The following CYP2A7 variants were observed in gnomAD, a reference collection of about 807,000 sequenced individuals.
The protein encoded by CYP2A7 is cytochrome P450 family 2 subfamily A member 7.
A neutral mutation model predicts 42.0 loss-of-function variants in CYP2A7; 36 were observed. The observed-to-expected ratio is 0.86, with a 90% CI of 0.66 to 1.13. The LOEUF (loss-of-function observed/expected upper bound fraction) is 1.13, where lower values mean the gene tolerates loss of function less well. Among genes scored for constraint, CYP2A7 ranks in the 50% most tolerant of loss-of-function variants. CYP2A7 has a pLI of 0.00. For missense variants in CYP2A7, 661 were observed against 634.1 expected (o/e 1.04, Z -0.46); for synonymous variants, 260 against 249.5 (o/e 1.04, Z -0.40).
chr19:40,881,402 G>C (rs1242977030), intron 2 of CYP2A7, among the ~76,000 whole-genome samples, 187 bp downstream of exon 2: 2 of 151,586 alleles, frequency 1.3e-5, no homozygotes, highest in Non-Finnish European at 3.0e-5. Flanking sequence ...GAGGAATCAC[G>C]ACAGGGACGC....
rs139310034 is a variant in CYP2A7, at chr19:40,882,106, C to T, written c.105G>A (p.Pro35=). 104 of 1,613,940 alleles carry T rather than the reference C, an allele frequency of 6.4e-5. 1 individual carries two copies. In the African/African-American group the frequency reaches 7.9e-4, roughly 12 times the overall value. Residue 35 remains proline, a synonymous_variant, in exon 1 of 9, where the codon CCG becomes CCA. Coordinates refer to ENST00000301146, the MANE Select transcript of CYP2A7 (RefSeq NM_000764.3). ...CAATGAAGGGCAGTGGGGTGGGTCC[C>T]GGAGGCAGCTTCCCCCTGCTCTTCC... ...QQRKSRGKLP[P]GPTPLPFIGN...
chr19:40,878,658 A>T, intron 5 of CYP2A7, 102 bp downstream of exon 5: 1 of 1,479,488 alleles, frequency 6.8e-7, no homozygotes, highest in Admixed American at 2.1e-5. Context: ...TATTATGATG[A>T]GGGCTAATTT....
At chr19:40,877,408 T>C in intron 6 of CYP2A7, 31 bp from the exon 7 acceptor site, 1 of 1,606,536 alleles carries the variant, frequency 6.2e-7, no homozygotes, top group Non-Finnish European at 8.5e-7. Context: ...TGTTTAGGTA[T>C]CTGGGAGTCT....
chr19:40,876,407 G>T (rs142397690), intron 8 of CYP2A7, 120 bp downstream of exon 8: 1 of 1,541,410 alleles, frequency 6.5e-7, no homozygotes, highest in East Asian at 2.2e-5. Flanking sequence ...CTCAAGGGTA[G>T]ATTCTAACAG....
chr19:40,880,699 G>T, intron 2 of CYP2A7, 71 bp from the exon 3 acceptor site: 1 of 1,527,466 alleles, frequency 6.5e-7, no homozygotes, highest in Non-Finnish European at 8.9e-7. Flanking sequence ...AGTTCCAAGG[G>T]GCTCCCCAAG....
chr19:40,880,775 AAACTCAGTCAGAGAAACACGAGG>A lies in CYP2A7; in HGVS notation c.344-170_344-148del. ...CAGTGCCAGTGCCCAGGACAGGTGC[AAACTCAGTCAGAGAAACACGAGG>A]GAGAGAGAGAGAGAGAGAGAGAGAG... is the stretch of plus-strand genomic sequence containing the variant. On this transcript the variant is annotated intron_variant, in intron 2 of 8. Transcript: ENST00000301146. 6 of 127,876 alleles carry A rather than the reference AAACTCAGTCAGAGAAACACGAGG, an allele frequency of 4.7e-5. 1 individual carries two copies. The highest frequency in any genetic ancestry group is 2.6e-4 in the African/African-American group (3 of 11,334). The allele number at this position is 127,876 out of a possible 1,614,324, so 7.9% of individuals were successfully genotyped here.
chr19:40,875,621 T>G lies in CYP2A7; in HGVS notation c.*72A>C, dbSNP rs1240543307. 1.9e-6 allele frequency: 3 copies of G among 1,606,676 alleles called. No individual in the cohort carries two copies. Among genetic ancestry groups the G allele is most frequent in the Admixed American group, 1.7e-5 (1 of 59,336 alleles). On this transcript the variant is annotated 3_prime_UTR_variant, in exon 9 of 9. Coordinates refer to ENST00000301146, the MANE Select transcript of CYP2A7 (RefSeq NM_000764.3). ...TTCCCCCCATTCTTATACCCGCCTC[T>G]TCCGCGAACCCCGCCCTGACCCCGC...
intron 2 of CYP2A7, among the ~76,000 whole-genome samples, chr19:40,880,848 A>AGG: frequency 9.3e-6 from 1 of 107,558 alleles, no homozygotes. Context: ...AGAGAGAGAG[A>AGG]GAGAGAGAGA....
Position 40,878,810 on chromosome 19 carries a change from G to T in CYP2A7, c.781C>A (p.Pro261Thr). 1.2e-6 allele frequency: 2 copies of T among 1,612,064 alleles called. No homozygotes were observed. Among genetic ancestry groups the T allele is most frequent in the East Asian group, 4.5e-5 (2 of 44,884 alleles). The change falls in exon 5 of 9, where the codon CCC becomes ACC. Residue 261 changes from proline to threonine, a missense_variant. Around this residue, in one of 3 missense-constraint regions of CYP2A7, gnomAD observed 614 missense variants for 552.4 expected, o/e 1.11. Transcript: ENST00000301146. ...TCGATGAAGTCCTGTGGGGAATTGGGATCCAGCGTGCGCTGGTTGTGCTCC... is the reference window on the plus strand; with the variant it reads ...TCGATGAAGTCCTGTGGGGAATTGGTATCCAGCGTGCGCTGGTTGTGCTCC... The part of the protein sequence containing the change: ...KVEHNQRTLD[P>T]NSPQDFIDSF...
chr19:40,881,477 A>G, intron 2 of CYP2A7, 112 bp downstream of exon 2: 1 of 1,553,702 alleles, frequency 6.4e-7, no homozygotes, highest in Non-Finnish European at 8.7e-7. Flanking sequence ...ATAAGACCAG[A>G]CCGGGGGTTC....
Position 40,878,350 on chromosome 19 carries a change from C to T in CYP2A7, c.832-357G>A, listed in dbSNP as rs534934841. 6.5e-4 allele frequency among the ~76,000 whole-genome samples: 99 copies of T among 151,850 alleles called. 1 individual carries two copies. Among genetic ancestry groups the T allele is most frequent in the African/African-American group, 1.6e-3 (66 of 41,494 alleles). ...CCTCCTGAGTAGCTGGAACTGCACA[C>T]GCGCATGACCATGCAGGCTCACTTA... On this transcript the variant is annotated intron_variant, in intron 5 of 8. Transcript: ENST00000301146.
intron 6 of CYP2A7, among the ~76,000 whole-genome samples, chr19:40,877,590 C>G (rs1967566224): frequency 2.6e-5 from 4 of 151,476 alleles, no homozygotes; most frequent in African/African-American, 9.7e-5. Flanking sequence ...CAGGGAGGAA[C>G]TTAGGAGATG....
At position 40,875,622 on chromosome 19, in the gene CYP2A7, T is replaced by G; in HGVS notation, c.*71A>C. ...TCCCCCCATTCTTATACCCGCCTCT[T>G]CCGCGAACCCCGCCCTGACCCCGCC... On this transcript the variant is annotated 3_prime_UTR_variant, in exon 9 of 9. Transcript: ENST00000301146. 6.2e-7 allele frequency: 1 copy of G among 1,607,128 alleles called. No homozygotes were observed. The highest frequency in any genetic ancestry group is 8.5e-7 in the Non-Finnish European group (1 of 1,175,388).
In CYP2A7 at chr19:40,880,565, C is replaced by T. The variant is rs1568527530; in HGVS notation, c.407G>A (p.Arg136Lys). The change falls in exon 3 of 9, where the codon AGG becomes AAG. Residue 136 changes from arginine to lysine, a missense_variant. This residue lies in a region of CYP2A7 where 614 missense variants were observed against 552.4 expected (regional missense o/e 1.11). Transcript: ENST00000301146. ...GCCTCGCTTGCCCACCCCGAAGTCC[C>T]TCAGGGTGGCGATGGCAAAGCGCAG... ...QLLRFAIATL[R>K]DFGVGKRGIE... 1 of 1,610,392 alleles carries T rather than the reference C, an allele frequency of 6.2e-7. No homozygotes were observed. The highest frequency in any genetic ancestry group is 8.5e-7 in the Non-Finnish European group (1 of 1,177,756).
intron 4 of CYP2A7, among the ~76,000 whole-genome samples, chr19:40,879,153 G>A (rs1967602130): frequency 1.3e-5 from 2 of 151,992 alleles, no homozygotes; most frequent in South Asian, 4.2e-4. Context: ...GAGAAGAACT[G>A]AGGCATATAT....
At position 40,878,746 on chromosome 19, in the gene CYP2A7, C is replaced by T; in HGVS notation, c.831+14G>A. Reference sequence around the variant, plus strand: ...CTGGCTTTGCACCTCCCCGCACTGGCTGCTGGGGTGTACCTCCTGCATGTG... The same window carrying T: ...CTGGCTTTGCACCTCCCCGCACTGGTTGCTGGGGTGTACCTCCTGCATGTG... On this transcript the variant is annotated intron_variant, in intron 5 of 8. Transcript: ENST00000301146. 6.2e-7 allele frequency: 1 copy of T among 1,610,992 alleles called. No homozygotes were observed. Among genetic ancestry groups the T allele is most frequent in the Non-Finnish European group, 8.5e-7 (1 of 1,177,902 alleles).
chr19:40,880,568 A>G lies in CYP2A7; in HGVS notation c.404T>C (p.Leu135Pro). The change falls in exon 3 of 9, where the codon CTG becomes CCG. Residue 135 changes from leucine (L) to proline (P), a missense_variant. Transcript: ENST00000301146. ...TCGCTTGCCCACCCCGAAGTCCCTC[A>G]GGGTGGCGATGGCAAAGCGCAGGAG... ...KQLLRFAIAT[L>P]RDFGVGKRGI... is the part of the protein sequence containing the mutation. 6.2e-7 allele frequency: 1 copy of G among 1,609,636 alleles called. No homozygotes were observed. The highest frequency in any genetic ancestry group is 8.5e-7 in the Non-Finnish European group (1 of 1,177,256).
chr19:40,877,128 A>G, intron 7 of CYP2A7, 62 bp downstream of exon 7: 1 of 1,580,190 alleles, frequency 6.3e-7, no homozygotes, highest in Non-Finnish European at 8.7e-7. Flanking sequence ...TGGGGGCAGG[A>G]TTCTGGGGAC....
chr19:40,877,649 A>C (rs1772088887), intron 6 of CYP2A7, among the ~76,000 whole-genome samples: 1 of 151,484 alleles, frequency 6.6e-6, no homozygotes, highest in African/African-American at 2.4e-5. Context: ...GACAGAAGTG[A>C]CTGACCAATC....
Sources: allele counts gnomAD v4.1 joint callset (sites outside exome capture counted in the v4.1 genomes callset), GRCh38; gene constraint gnomAD v4.1.1; regional missense constraint gnomAD v4.1.1; transcripts MANE v1.5; gene names NCBI Gene and HGNC (gene_info 2026-07-23, HGNC 2026-07-21).